Variants in COX10 observed in about 807,000 individuals in gnomAD.
COX10 encodes the protein cytochrome c oxidase assembly factor heme A:farnesyltransferase COX10, also known as protoheme IX farnesyltransferase, mitochondrial.
In COX10, 27 loss-of-function variants were observed where a neutral mutation model predicts 37.3. That is an observed-to-expected ratio of 0.72 (90% CI 0.53 to 1.00). The LOEUF is 1.00. Ranked by LOEUF, COX10 falls within the 50% of genes least tolerant of loss-of-function variation. The pLI is 0.00. For synonymous variants in COX10, 222 were observed against 229.1 expected (o/e 0.97, Z 0.28); for missense variants, 475 against 563.2 (o/e 0.84, Z 1.59).
At chr17:14,116,765 A>G (rs1916123158) in intron 4 of COX10, among the ~76,000 whole-genome samples, 1 of 152,140 alleles carries the variant, frequency 6.6e-6, no homozygotes, top group Non-Finnish European at 1.5e-5. Context: ...CACCACCATC[A>G]TCTCTTGCCA....
intron 2 of COX10, 133 bp downstream of exon 2, chr17:14,074,589 T>A (rs1915101552): frequency 2.3e-6 from 2 of 866,652 alleles, no homozygotes; most frequent in Admixed American, 3.6e-5. Context: ...TGTCCTTAAA[T>A]TTATCCAAAT....
At chr17:14,156,235 T>C (rs1359105618) in intron 4 of COX10, among the ~76,000 whole-genome samples, 1 of 149,380 alleles carries the variant, frequency 6.7e-6, no homozygotes, top group African/African-American at 2.4e-5. Context: ...TAAATCTGAA[T>C]TTTTTTTTTG....
rs536552243 is a variant in COX10, at chr17:14,102,017, CAATT to C, written c.500-99_500-96del. ...CTGTACTTTGTGTTATTAATATAAT[CAATT>C]AGTTTATATGAAGGATGGCTTGTTT... On this transcript the variant is annotated intron_variant, in intron 3 of 6. Coordinates refer to ENST00000261643, the MANE Select transcript of COX10 (RefSeq NM_001303.4). 38 of 1,409,990 alleles carry C rather than the reference CAATT, an allele frequency of 2.7e-5. 1 individual carries two copies. The East Asian group carries it at 7.8e-4, about 29-fold the overall frequency. The allele number at this position is 1,409,990 out of a possible 1,614,324, so 87.3% of individuals were successfully genotyped here. A position where few individuals can be genotyped will look rare whatever the true frequency, so the allele number is the denominator to read the frequency against.
intron 3 of COX10, among the ~76,000 whole-genome samples, chr17:14,079,536 A>G (rs911359154): frequency 7.2e-5 from 11 of 152,192 alleles, no homozygotes; most frequent in Non-Finnish European, 1.3e-4. Context: ...TCATATTGGC[A>G]TGTATATCAG....
intron 5 of COX10, among the ~76,000 whole-genome samples, chr17:14,175,245 G>A (rs1905642331): frequency 6.6e-6 from 1 of 150,598 alleles, no homozygotes; most frequent in African/African-American, 2.4e-5. Flanking sequence ...CTTGCAATGG[G>A]TAAATTTGTG....
intron 3 of COX10, among the ~76,000 whole-genome samples, chr17:14,095,111 C>A (rs1225822827): frequency 6.6e-6 from 1 of 152,322 alleles, no homozygotes; most frequent in East Asian, 1.9e-4. Context: ...TGTCGAACAG[C>A]TAGAGCTCTT....
At chr17:14,115,236 C>T (rs181307028) in intron 4 of COX10, among the ~76,000 whole-genome samples, 274 of 152,218 alleles carry the variant, frequency 1.8e-3, no homozygotes, top group Middle Eastern at 6.8e-3. Context: ...CTACATTTTA[C>T]GATGTACAGA....
At chr17:14,125,665 C>T (rs748554988) in intron 4 of COX10, among the ~76,000 whole-genome samples, 2 of 152,082 alleles carry the variant, frequency 1.3e-5, no homozygotes, top group Admixed American at 6.6e-5. Context: ...GAGGACTTCA[C>T]GGCTAATGTT....
chr17:14,074,961 TCCAG>T (rs1915107559), intron 2 of COX10, among the ~76,000 whole-genome samples: 1 of 152,146 alleles, frequency 6.6e-6, no homozygotes, highest in African/African-American at 2.4e-5. Flanking sequence ...CATAAGTCAA[TCCAG>T]GTTGACTCCA....
intron 5 of COX10, among the ~76,000 whole-genome samples, chr17:14,167,537 C>G (rs899182569): frequency 6.6e-6 from 1 of 152,080 alleles, no homozygotes; most frequent in African/African-American, 2.4e-5. Flanking sequence ...CATTTTCGCA[C>G]TGATATAAAG....
At chr17:14,172,828 C>G (rs867891644) in intron 5 of COX10, among the ~76,000 whole-genome samples, 82 of 152,012 alleles carry the variant, frequency 5.4e-4, no homozygotes, top group African/African-American at 1.9e-3. Context: ...GCTGGGATTA[C>G]AAGTGCGAGC....
intron 2 of COX10, among the ~76,000 whole-genome samples, chr17:14,075,681 T>A (rs989175431): frequency 3.9e-5 from 6 of 152,162 alleles, no homozygotes; most frequent in Non-Finnish European, 7.3e-5. Context: ...TCTGTCTTCA[T>A]CCTGCCCTGC....
intron 5 of COX10, among the ~76,000 whole-genome samples, chr17:14,184,415 A>G (rs1202000108): frequency 6.6e-6 from 1 of 152,244 alleles, no homozygotes; most frequent in Admixed American, 6.5e-5. Flanking sequence ...AAAGTATTAA[A>G]GTATTTTAAA....
intron 5 of COX10, among the ~76,000 whole-genome samples, chr17:14,185,415 C>A (rs1465611450): frequency 2.7e-5 from 4 of 148,762 alleles, no homozygotes. Context: ...TAGCTCTGAC[C>A]ACATTTTATG....
chr17:14,140,969 T>C (rs1904524057), intron 4 of COX10, among the ~76,000 whole-genome samples: 1 of 152,166 alleles, frequency 6.6e-6, no homozygotes, highest in Non-Finnish European at 1.5e-5. Context: ...TTTTGAAAAA[T>C]TATATTGGTA....
intron 3 of COX10, among the ~76,000 whole-genome samples, chr17:14,098,222 G>A (rs1416627975): frequency 3.9e-5 from 6 of 152,066 alleles, no homozygotes; most frequent in Non-Finnish European, 8.8e-5. Context: ...AGATTATTTT[G>A]GCTGATTTAC....
At chr17:14,195,220 G>A (rs573118852) in intron 6 of COX10, among the ~76,000 whole-genome samples, 1 of 152,288 alleles carries the variant, frequency 6.6e-6, no homozygotes, top group South Asian at 2.1e-4. Flanking sequence ...TTAATTGAAT[G>A]AACAAATGAG....
intron 3 of COX10, among the ~76,000 whole-genome samples, chr17:14,089,556 A>C: frequency 6.6e-6 from 1 of 152,228 alleles, no homozygotes; most frequent in South Asian, 2.1e-4. Flanking sequence ...CCAGGTGGCA[A>C]AGCTGTTAGT....
chr17:14,112,351 A>C (rs923526559), intron 4 of COX10, among the ~76,000 whole-genome samples: 4 of 152,160 alleles, frequency 2.6e-5, no homozygotes, highest in African/African-American at 4.8e-5. Flanking sequence ...ACATTCACCC[A>C]CCTATTAGAA....
Sources: gnomAD v4.1 joint callset for allele counts (sites outside exome capture counted in the v4.1 genomes callset) on GRCh38, gnomAD v4.1.1 for gene constraint, MANE v1.5 for transcripts, NCBI Gene and HGNC (gene_info 2026-07-23, HGNC 2026-07-21) for gene names.